Variants in GART observed in about 807,000 individuals in gnomAD.
GART encodes phosphoribosylglycinamide formyltransferase, phosphoribosylglycinamide synthetase, phosphoribosylaminoimidazole synthetase.
A neutral mutation model predicts 107.2 loss-of-function variants in GART; 43 were observed. The observed-to-expected ratio is 0.40, with a 90% CI of 0.31 to 0.52. The LOEUF is 0.52. GART is among the 20% of genes least tolerant of loss of function. The pLI, the probability that GART is intolerant of heterozygous loss-of-function variation, is 0.52. For missense variants in GART, 1,107 were observed against 1,206.5 expected (o/e 0.92, Z 1.22); for synonymous variants, 434 against 427.0 (o/e 1.02, Z -0.20).
At chr21:33,537,706 A>T (rs1214076117) in intron 2 of GART, among the ~76,000 whole-genome samples, 5 of 152,292 alleles carry the variant, frequency 3.3e-5, no homozygotes, top group Admixed American at 1.3e-4. Context: ...CAAAGCAGCA[A>T]GCTTCTGCTT....
At chr21:33,519,347 A>ATT (rs2084929887) in intron 14 of GART, among the ~76,000 whole-genome samples, 1 of 152,094 alleles carries the variant, frequency 6.6e-6, no homozygotes, top group Non-Finnish European at 1.5e-5. Context: ...AGATCAGGAG[A>ATT]TTGAGACCAT....
intron 15 of GART, 38 bp from the exon 16 acceptor site, chr21:33,517,179 G>A (rs2084893887): frequency 6.3e-7 from 1 of 1,579,308 alleles, no homozygotes; most frequent in Non-Finnish European, 8.6e-7. Context: ...CTTAGCCTAT[G>A]AATAGAAAAC....
At chr21:33,538,705 A>G (rs989576412) in intron 2 of GART, among the ~76,000 whole-genome samples, 1 of 152,234 alleles carries the variant, frequency 6.6e-6, no homozygotes, top group Non-Finnish European at 1.5e-5. Context: ...CCTTAAGTTT[A>G]TAACATATTG....
At chr21:33,542,011 C>A (rs1338761456) in intron 1 of GART, 54 bp downstream of exon 1, 2 of 152,246 alleles carry the variant, frequency 1.3e-5, no homozygotes, top group Non-Finnish European at 2.9e-5. Flanking sequence ...GATCTTAAAT[C>A]CCCAAACCAA....
intron 20 of GART, among the ~76,000 whole-genome samples, chr21:33,505,165 G>A (rs1355469698): frequency 6.6e-6 from 1 of 152,190 alleles, no homozygotes; most frequent in Non-Finnish European, 1.5e-5. Flanking sequence ...CTTCCTAAGA[G>A]AGGATGGACT....
At chr21:33,531,378 G>A in intron 6 of GART, 111 bp downstream of exon 6, 5 of 901,980 alleles carry the variant, frequency 5.5e-6, no homozygotes, top group South Asian at 4.9e-5. Flanking sequence ...TAACTGCTGG[G>A]TTTATGTTTT....
chr21:33,539,022 C>T (rs1569038642), intron 2 of GART, 149 bp downstream of exon 2: 2 of 583,324 alleles, frequency 3.4e-6, no homozygotes, highest in Non-Finnish European at 5.6e-6. Context: ...CCTCATGATC[C>T]GCATATCTCG....
chr21:33,522,003 C>T (rs2084982120), intron 12 of GART, among the ~76,000 whole-genome samples, 185 bp downstream of exon 12: 2 of 145,372 alleles, frequency 1.4e-5, no homozygotes, highest in Non-Finnish European at 1.5e-5. Context: ...TTGAGTTTAA[C>T]ATGACAGATG....
chr21:33,530,657 C>CAACA, intron 7 of GART, 102 bp downstream of exon 7: 1 of 1,173,640 alleles, frequency 8.5e-7, no homozygotes, highest in Non-Finnish European at 1.1e-6. Flanking sequence ...TAATTCATAG[C>CAACA]AACAAACAAA....
Position 33,535,332 on chromosome 21 carries a change from A to G in GART, c.146-12T>C, listed in dbSNP as rs1388410343. On this transcript the variant is annotated splice_polypyrimidine_tract_variant and intron_variant, in intron 2 of 21. Coordinates refer to ENST00000381815, the MANE Select transcript of GART (RefSeq NM_000819.5). Reference sequence around the variant, plus strand: ...ACTGATTGAGATGGCTGTAAACAGAAAAAAAAAAAAAAAAACCACTGCATT... The same window carrying G: ...ACTGATTGAGATGGCTGTAAACAGAGAAAAAAAAAAAAAAACCACTGCATT... 2 of 1,249,758 alleles carry G rather than the reference A, an allele frequency of 1.6e-6. No homozygotes were observed. The highest frequency in any genetic ancestry group is 1.1e-6 in the Non-Finnish European group (1 of 943,148). 77.4% of individuals were successfully genotyped at this position (1,249,758 alleles called of 1,614,324 possible).
chr21:33,528,635 GAGAA>G, intron 8 of GART, 31 bp from the exon 9 acceptor site: 2 of 1,229,792 alleles, frequency 1.6e-6, no homozygotes, highest in Non-Finnish European at 2.2e-6. Flanking sequence ...AAAAAAAAGA[GAGAA>G]AGAAAATCTA....
chr21:33,513,101 GTC>G (rs753357905), intron 16 of GART, among the ~76,000 whole-genome samples: 8 of 91,884 alleles, frequency 8.7e-5, no homozygotes, highest in Non-Finnish European at 1.5e-4. Flanking sequence ...GTGTGTGTGT[GTC>G]TCTGTGTGTG....
chr21:33,519,678 A>G (rs1312277156), intron 14 of GART, among the ~76,000 whole-genome samples: 1 of 151,932 alleles, frequency 6.6e-6, no homozygotes, highest in African/African-American at 2.4e-5. Context: ...AAGTACAAAA[A>G]TTAGCTGGGT....
At chr21:33,522,561 C>G (rs908290080) in intron 11 of GART, among the ~76,000 whole-genome samples, 1 of 152,212 alleles carries the variant, frequency 6.6e-6, no homozygotes, top group Non-Finnish European at 1.5e-5. Flanking sequence ...ATTTCTTCTA[C>G]AAGTACTTCT....
At chr21:33,519,552 TAAA>T (rs559509642) in intron 14 of GART, among the ~76,000 whole-genome samples, 4 of 123,320 alleles carry the variant, frequency 3.2e-5, no homozygotes, top group African/African-American at 3.0e-5. Flanking sequence ...AGACTCTGTT[TAAA>T]AAAAAAAAAA....
chr21:33,535,277 T>C lies in GART; in HGVS notation c.189A>G (p.Lys63=). Reference sequence around the variant, plus strand: ...CAACTACAAATTCAATTTTCTTCTCTTTGCAGAATTGAGCAAGGGCAGTGT... The same window carrying C: ...CAACTACAAATTCAATTTTCTTCTCCTTGCAGAATTGAGCAAGGGCAGTGT... ...SDHTALAQFC[K]EKKIEFVVVG... Residue 63 remains lysine, a synonymous_variant, in exon 3 of 22, where the codon AAA becomes AAG. Coordinates refer to ENST00000381815, the MANE Select transcript of GART (RefSeq NM_000819.5). 1 of 1,597,460 alleles carries C rather than the reference T, an allele frequency of 6.3e-7. No individual in the cohort carries two copies. Among genetic ancestry groups the C allele is most frequent in the Non-Finnish European group, 8.5e-7 (1 of 1,174,940 alleles).
In GART at chr21:33,534,796, C is replaced by A. The variant is rs1004499273; in HGVS notation, c.242-43G>T. On this transcript the variant is annotated intron_variant, in intron 3 of 21. Coordinates refer to ENST00000381815, the MANE Select transcript of GART (RefSeq NM_000819.5). ...AGCCTTAGGTGAACCAAGGTCTCCC[C>A]AGGGGCTTTTCAGCCTGAAGACGAA... The A allele has an allele frequency of 4.0e-6, 6 of 1,501,766 alleles. No individual in the cohort carries two copies. The African/African-American group carries it at 5.7e-5, about 14-fold the overall frequency. 93.0% of individuals were successfully genotyped at this position (1,501,766 alleles called of 1,614,324 possible). A position where few individuals can be genotyped will look rare whatever the true frequency, so the allele number is the denominator to read the frequency against.
intron 1 of GART, 102 bp from the exon 2 acceptor site, chr21:33,539,458 C>T (rs1601236553): frequency 1.1e-5 from 8 of 761,238 alleles, no homozygotes; most frequent in East Asian, 3.1e-5. Context: ...TTTGGGAGGC[C>T]GAGGCAGGTG....
rs769568398 is a variant in GART, at chr21:33,524,958, G to C, written c.1109C>G (p.Ala370Gly). The stretch of plus-strand genomic sequence containing the variant: ...TTTGCCATTTTTGAGGGCAGTGCCT[G>C]CATGGAACACCTCCAGTCCTAGAGC... ...AQALGLEVFH[A>G]GTALKNGKVV... The change falls in exon 11 of 22, where the codon GCA becomes GGA. Residue 370 changes from alanine to glycine, a missense_variant. Coordinates refer to ENST00000381815, the MANE Select transcript of GART (RefSeq NM_000819.5). The C allele has an allele frequency of 4.3e-6, 7 of 1,614,164 alleles. No individual in the cohort carries two copies. The highest frequency in any genetic ancestry group is 2.2e-5 in the East Asian group (1 of 44,894).
Sources: gnomAD v4.1 joint callset for allele counts (sites outside exome capture counted in the v4.1 genomes callset) on GRCh38, gnomAD v4.1.1 for gene constraint, MANE v1.5 for transcripts, NCBI Gene and HGNC (gene_info 2026-07-23, HGNC 2026-07-21) for gene names.